NAT10: variants seen among roughly 807,000 people sequenced by gnomAD.
NAT10 encodes N-acetyltransferase 10, also known as RNA cytidine acetyltransferase.
In NAT10, 109 loss-of-function variants were observed where a neutral mutation model predicts 132.2. That is an observed-to-expected ratio of 0.82 (90% CI 0.71 to 0.97). NAT10 has a LOEUF of 0.97. NAT10 is among the 50% of genes least tolerant of loss of function. The pLI is 0.00. For missense variants in NAT10, 1,184 were observed against 1,263.4 expected (o/e 0.94, Z 0.95); for synonymous variants, 479 against 478.0 (o/e 1.00, Z -0.03).
rs771936992 is a variant in NAT10, at chr11:34,122,506, G to A, written c.828G>A (p.Leu276=). ...KFIEGISEKT[L]RSTVALTAAR... ...TCGAGGGCATCTCTGAAAAGACCCT[G>A]AGGAGTACTGTTGCACTCACAGCTG... Residue 276 remains leucine, a synonymous_variant, in exon 9 of 29, where the codon CTG becomes CTA. Coordinates refer to ENST00000257829, the MANE Select transcript of NAT10 (RefSeq NM_024662.3). The A allele has an allele frequency of 3.1e-6, 5 of 1,614,196 alleles. No individual in the cohort carries two copies. Among genetic ancestry groups the A allele is most frequent in the East Asian group, 2.2e-5 (1 of 44,876 alleles).
At chr11:34,127,420 A>G (rs1216985673) in intron 11 of NAT10, 43 bp from the exon 12 acceptor site, 14 of 1,559,002 alleles carry the variant, frequency 9.0e-6, no homozygotes, top group African/African-American at 2.7e-5. Flanking sequence ...CAGCTGTGAC[A>G]TGAGTTCACT....
chr11:34,123,776 T>G lies in NAT10; in HGVS notation c.929T>G (p.Phe310Cys), dbSNP rs1851937162. Residue 310 changes from phenylalanine to cysteine, a missense_variant, in exon 10 of 29, where the codon TTT becomes TGT. Phe to Cys is a radical substitution (Grantham distance 205, BLOSUM62 -2). Coordinates refer to ENST00000257829, the MANE Select transcript of NAT10 (RefSeq NM_024662.3). ...TTGTTCTGTAGGTACTCCAATATCT[T>G]TGTTACCTCCCCAAGCCCTGATAAC... ...GAVAFGYSNI[F>C]VTSPSPDNLH... The G allele has an allele frequency of 6.2e-7, 1 of 1,604,790 alleles. No homozygotes were observed. The highest frequency in any genetic ancestry group is 2.2e-5 in the East Asian group (1 of 44,856).
intron 15 of NAT10, 138 bp downstream of exon 15, chr11:34,132,359 C>T: frequency 1.4e-6 from 1 of 740,522 alleles, no homozygotes; most frequent in South Asian, 1.5e-5. Context: ...TTCCACTGAT[C>T]TTGCTGTGTG....
At chr11:34,112,772 A>G (rs1851717045) in intron 4 of NAT10, among the ~76,000 whole-genome samples, 1 of 152,162 alleles carries the variant, frequency 6.6e-6, no homozygotes, top group Non-Finnish European at 1.5e-5. Context: ...AAGTTAATAG[A>G]CTAAGTTTCA....
chr11:34,127,096 A>G (rs754041266), intron 11 of NAT10, among the ~76,000 whole-genome samples: 2 of 151,960 alleles, frequency 1.3e-5, no homozygotes, highest in Non-Finnish European at 2.9e-5. Context: ...GGGAGCCACC[A>G]TCTATCTCTC....
intron 1 of NAT10, among the ~76,000 whole-genome samples, chr11:34,106,896 G>A (rs888472035): frequency 1.3e-5 from 2 of 152,186 alleles, no homozygotes; most frequent in Non-Finnish European, 2.9e-5. Flanking sequence ...TTATAATGCA[G>A]TAGGTACCAG....
Position 34,112,094 on chromosome 11 carries a change from G to A in NAT10, c.243G>A (p.Lys81=). ...KRMRQLQKKI[K]NGTLNIKQDD... ...TGCGACAGCTGCAGAAGAAAATAAA[G>A]AATGGAACACTGAACATAAAGCAGG... is the stretch of plus-strand genomic sequence containing the variant. Residue 81 remains lysine (K), a synonymous_variant, in exon 4 of 29, where the codon AAG becomes AAA. Transcript: ENST00000257829. 6.2e-7 allele frequency: 1 copy of A among 1,614,210 alleles called. No homozygotes were observed.
At chr11:34,112,629 T>A (rs1219897273) in intron 4 of NAT10, among the ~76,000 whole-genome samples, 2 of 152,248 alleles carry the variant, frequency 1.3e-5, no homozygotes, top group Non-Finnish European at 2.9e-5. Context: ...TTAAATGTCC[T>A]GTCCAGAGTG....
intron 8 of NAT10, among the ~76,000 whole-genome samples, chr11:34,119,435 C>G (rs1851846251): frequency 6.6e-6 from 1 of 152,220 alleles, no homozygotes. Context: ...CTACATAGCT[C>G]TCTATGCAGC....
intron 25 of NAT10, 22 bp from the exon 26 acceptor site, chr11:34,141,697 C>T: frequency 1.9e-6 from 3 of 1,610,406 alleles, no homozygotes; most frequent in Non-Finnish European, 2.5e-6. Context: ...TCTTCTGCTT[C>T]TCTGTTGGTT....
intron 8 of NAT10, among the ~76,000 whole-genome samples, chr11:34,122,069 A>C (rs1408941345): frequency 6.6e-6 from 1 of 150,728 alleles, no homozygotes; most frequent in African/African-American, 2.4e-5. Context: ...TCAGTTACTC[A>C]GGAGGCTGAG....
Position 34,127,389 on chromosome 11 carries a change from A to G in NAT10, c.1108-74A>G, listed in dbSNP as rs957654557. ...AGAGAGAGGAAAGAGAACATCCTTT[A>G]TGATGAGTCGCCAGTAATCACAGCT... On this transcript the variant is annotated intron_variant, in intron 11 of 28. Coordinates refer to ENST00000257829, the MANE Select transcript of NAT10 (RefSeq NM_024662.3). 3.5e-5 allele frequency: 50 copies of G among 1,409,288 alleles called. No individual in the cohort carries two copies. In the East Asian group the frequency reaches 1.2e-3, roughly 33 times the overall value. The allele number at this position is 1,409,288 out of a possible 1,614,324, so 87.3% of individuals were successfully genotyped here.
intron 21 of NAT10, among the ~76,000 whole-genome samples, chr11:34,137,524 G>A (rs1323956115): frequency 1.3e-5 from 2 of 152,146 alleles, no homozygotes; most frequent in Admixed American, 6.5e-5. Context: ...AGGGAAGTTT[G>A]GGGCTAGAGA....
intron 6 of NAT10, 115 bp downstream of exon 6, chr11:34,115,999 A>C (rs1851777235): frequency 2.2e-6 from 2 of 899,906 alleles, no homozygotes; most frequent in East Asian, 5.2e-5. Flanking sequence ...AATATTCCAA[A>C]AATGATGAGA....
chr11:34,115,778 A>G, intron 5 of NAT10, 45 bp from the exon 6 acceptor site: 1 of 1,602,724 alleles, frequency 6.2e-7, no homozygotes, highest in Non-Finnish European at 8.5e-7. Context: ...GGTCCTCAGC[A>G]CTGTTTGCAT....
intron 5 of NAT10, among the ~76,000 whole-genome samples, chr11:34,114,389 A>G (rs1412388871): frequency 6.7e-6 from 1 of 149,692 alleles, no homozygotes; most frequent in Admixed American, 6.6e-5. Context: ...CAGCGTTGCC[A>G]AGTCAGTGTT....
intron 4 of NAT10, among the ~76,000 whole-genome samples, chr11:34,113,465 C>T (rs2134155606): frequency 6.6e-6 from 1 of 151,878 alleles, no homozygotes; most frequent in East Asian, 1.9e-4. Flanking sequence ...GCTTTGTGCT[C>T]TGAAGTCTTC....
Position 34,127,536 on chromosome 11 carries a change from C to T in NAT10, c.1181C>T (p.Pro394Leu), listed in dbSNP as rs147022056. 1.8e-5 allele frequency: 29 copies of T among 1,614,036 alleles called. No homozygotes were observed. Among genetic ancestry groups the T allele is most frequent in the Non-Finnish European group, 2.5e-5 (29 of 1,180,006 alleles). ...LVVIDEAAAI[P>L]LPLVKSLLGP... The stretch of plus-strand genomic sequence containing the variant: ...GTGATTGATGAAGCTGCCGCCATCC[C>T]CCTCCCCTTGGTGAAGAGCCTACTT... The change falls in exon 12 of 29, where the codon CCC (proline) becomes CTC (leucine). Residue 394 changes from proline to leucine, a missense_variant. Pro to Leu is a moderately conservative substitution (Grantham distance 98). Transcript: ENST00000257829.
At chr11:34,144,947 C>T (rs909299915) in intron 28 of NAT10, among the ~76,000 whole-genome samples, 9 of 152,220 alleles carry the variant, frequency 5.9e-5, no homozygotes, top group Admixed American at 2.6e-4. Context: ...CCAGAGTCTC[C>T]GTTAGTCACT....
Sources: allele counts gnomAD v4.1 joint callset (sites outside exome capture counted in the v4.1 genomes callset), GRCh38; gene constraint gnomAD v4.1.1; transcripts MANE v1.5; gene names NCBI Gene and HGNC (gene_info 2026-07-23, HGNC 2026-07-21).